Variants in NBEA observed in about 807,000 individuals in gnomAD.
NBEA encodes lysosomal-trafficking regulator 2.
In NBEA, 44 loss-of-function variants were observed where a neutral mutation model predicts 343.4. The observed-to-expected ratio is 0.13, with a 90% CI of 0.10 to 0.16. The LOEUF (loss-of-function observed/expected upper bound fraction) is 0.16. Ranked by LOEUF, NBEA falls within the 10% of genes least tolerant of loss-of-function variation. The pLI is 1.00. For synonymous variants in NBEA, 1,175 were observed against 1,238.7 expected (o/e 0.95, Z 1.08); for missense variants, 2,555 against 3,631.3 (o/e 0.70, Z 7.62).
chr13:35,312,581 G>C (rs1000031647), intron 36 of NBEA, among the ~76,000 whole-genome samples: 5 of 152,198 alleles, frequency 3.3e-5, no homozygotes, highest in Non-Finnish European at 7.3e-5. Flanking sequence ...GGCCTGCAAT[G>C]TGGAGGGTTT....
chr13:35,430,305 G>A (rs1594612100), intron 38 of NBEA, among the ~76,000 whole-genome samples: 2 of 152,036 alleles, frequency 1.3e-5, no homozygotes, highest in Admixed American at 6.6e-5. Context: ...TTTTCGATGG[G>A]ATTGGTTGTT....
intron 10 of NBEA, among the ~76,000 whole-genome samples, chr13:35,077,427 C>CT (rs1315664182): frequency 6.6e-6 from 1 of 152,084 alleles, no homozygotes; most frequent in Non-Finnish European, 1.5e-5. Context: ...TCCAGGCAGT[C>CT]TCTTAAATTA....
At chr13:35,278,820 G>C (rs2034830448) in intron 34 of NBEA, among the ~76,000 whole-genome samples, 1 of 151,966 alleles carries the variant, frequency 6.6e-6, no homozygotes, top group Admixed American at 6.6e-5. Context: ...TTCGGGCTTT[G>C]CAACCATGTA....
At chr13:35,299,460 A>G (rs2036387682) in intron 35 of NBEA, among the ~76,000 whole-genome samples, 1 of 152,104 alleles carries the variant, frequency 6.6e-6, no homozygotes, top group Admixed American at 6.6e-5. Context: ...GAACATAGGG[A>G]TTTTATCGTC....
At chr13:35,496,286 G>A (rs1377828299) in intron 41 of NBEA, among the ~76,000 whole-genome samples, 1 of 151,844 alleles carries the variant, frequency 6.6e-6, no homozygotes, top group African/African-American at 2.4e-5. Context: ...ACTGTGCCTG[G>A]CTCTACTTTC....
At chr13:35,023,590 C>T (rs1312337857) in intron 1 of NBEA, among the ~76,000 whole-genome samples, 1 of 151,902 alleles carries the variant, frequency 6.6e-6, no homozygotes, top group East Asian at 1.9e-4. Flanking sequence ...GCCTTGAAGA[C>T]ATTACTAAGG....
At chr13:35,027,369 T>A (rs1372522356) in intron 1 of NBEA, among the ~76,000 whole-genome samples, 1 of 151,960 alleles carries the variant, frequency 6.6e-6, no homozygotes, top group Non-Finnish European at 1.5e-5. Flanking sequence ...TACAAGCAAT[T>A]TATGACAGAT....
intron 1 of NBEA, among the ~76,000 whole-genome samples, chr13:35,004,569 A>G (rs560242056): frequency 2.6e-5 from 4 of 152,296 alleles, no homozygotes; most frequent in African/African-American, 7.2e-5. Flanking sequence ...ATGCCCTTTG[A>G]GGCTCTAATA....
intron 41 of NBEA, among the ~76,000 whole-genome samples, chr13:35,533,188 T>TA (rs2152999659): frequency 6.6e-6 from 1 of 152,258 alleles, no homozygotes; most frequent in African/African-American, 2.4e-5. Context: ...TCTGATAGAT[T>TA]AAAAATATAG....
At chr13:35,251,043 A>G (rs2031895550) in intron 34 of NBEA, 1 of 159,554 alleles carries the variant, frequency 6.3e-6, no homozygotes, top group East Asian at 1.9e-4. Context: ...AGGGTTCCAC[A>G]GAAGAAAACA....
At chr13:35,421,186 A>AT (rs2044249618) in intron 38 of NBEA, among the ~76,000 whole-genome samples, 2 of 151,110 alleles carry the variant, frequency 1.3e-5, no homozygotes, top group Admixed American at 1.3e-4. Flanking sequence ...TTTTATTGTG[A>AT]TTTTCATTCA....
intron 41 of NBEA, among the ~76,000 whole-genome samples, chr13:35,549,423 A>G (rs183003800): frequency 6.4e-4 from 98 of 152,330 alleles, no homozygotes; most frequent in African/African-American, 2.3e-3. Flanking sequence ...CACAGCAAGT[A>G]GAAAAGTCCC....
chr13:35,575,233 T>C (rs1012919715), intron 45 of NBEA, among the ~76,000 whole-genome samples: 3 of 152,164 alleles, frequency 2.0e-5, no homozygotes, highest in Non-Finnish European at 2.9e-5. Context: ...TATTTGAAAA[T>C]TGTGTACTGA....
chr13:34,996,212 C>T (rs1012111963), intron 1 of NBEA, among the ~76,000 whole-genome samples: 2 of 152,074 alleles, frequency 1.3e-5, no homozygotes, highest in African/African-American at 4.8e-5. Context: ...TAAAAAGTTG[C>T]TTGCTACTTG....
chr13:35,532,516 G>T (rs896280142), intron 41 of NBEA, among the ~76,000 whole-genome samples: 1 of 151,996 alleles, frequency 6.6e-6, no homozygotes, highest in Non-Finnish European at 1.5e-5. Context: ...AATTAAATAA[G>T]TACTAAATAC....
rs535664561 is a variant in NBEA at position 35,386,779 on chromosome 13, T to A, written c.6179+34456T>A. 6.9e-4 allele frequency among the ~76,000 whole-genome samples: 105 copies of A among 152,290 alleles called. 1 individual carries two copies. The highest frequency in any genetic ancestry group is 2.5e-3 in the African/African-American group (104 of 41,578). ...CCTCTGTTTAAAAATATATTGAGTT[T>A]TTTATGGTTGTTGATAAATGTGGCT... On this transcript the variant is annotated intron_variant, in intron 38 of 58. Coordinates refer to ENST00000379939, the MANE Select transcript of NBEA (RefSeq NM_001385012.1).
intron 34 of NBEA, among the ~76,000 whole-genome samples, chr13:35,240,125 A>G (rs1488932656): frequency 6.6e-6 from 1 of 151,730 alleles, no homozygotes; most frequent in Non-Finnish European, 1.5e-5. Flanking sequence ...GTTTAAATCT[A>G]TGTATTCGTA....
At chr13:35,627,765 G>C (rs2083290679) in intron 48 of NBEA, among the ~76,000 whole-genome samples, 1 of 152,088 alleles carries the variant, frequency 6.6e-6, no homozygotes, top group South Asian at 2.1e-4. Flanking sequence ...TTTTAAACAT[G>C]AGTGTGTTTT....
At chr13:35,249,154 A>G (rs2031636732) in intron 34 of NBEA, among the ~76,000 whole-genome samples, 1 of 150,826 alleles carries the variant, frequency 6.6e-6, no homozygotes, top group East Asian at 1.9e-4. Flanking sequence ...CATCTTACAA[A>G]AAAAAAAAAA....
Sources: allele counts gnomAD v4.1 joint callset (sites outside exome capture counted in the v4.1 genomes callset), GRCh38; gene constraint gnomAD v4.1.1; transcripts MANE v1.5; gene names NCBI Gene and HGNC (gene_info 2026-07-23, HGNC 2026-07-21).